The following CBL variants were observed in gnomAD, a reference collection of about 807,000 sequenced individuals.
CBL encodes the protein Cbl proto-oncogene, also known as E3 ubiquitin-protein ligase CBL.
A neutral mutation model predicts 96.9 loss-of-function variants in CBL; 45 were observed. That is an observed-to-expected ratio of 0.46 (90% confidence interval 0.37 to 0.60). CBL has a LOEUF of 0.60. CBL is among the 20% of genes least tolerant of loss of function. The pLI, the probability that CBL is intolerant of heterozygous loss-of-function variation, is 0.00. For synonymous variants in CBL, 420 were observed against 426.8 expected (o/e 0.98, Z 0.20); for missense variants, 1,024 against 1,143.5 (o/e 0.90, Z 1.51).
chr11:119,274,865 C>A lies in CBL; in HGVS notation c.781C>A (p.Leu261Ile). Residue 261 changes from leucine to isoleucine, a missense_variant, in exon 5 of 16, where the codon CTT becomes ATT. Transcript: ENST00000264033. The part of the protein sequence containing the change: ...WSSLLRNWNS[L>I]AVTHPGYMAF... ...CTCTTTGCTCAGGAATTGGAACAGC[C>A]TTGCTGTAACTCATCCTGGCTACAT... 1 of 1,613,716 alleles carries A rather than the reference C, an allele frequency of 6.2e-7. No homozygotes were observed. Among genetic ancestry groups the A allele is most frequent in the Non-Finnish European group, 8.5e-7 (1 of 1,179,720 alleles).
In CBL at chr11:119,211,297, G is replaced by A. The variant is rs369787110; in HGVS notation, c.195+4685G>A. Among the ~76,000 whole-genome samples the A allele has an allele frequency of 4.6e-5, 7 of 151,830 alleles. No individual in the cohort carries two copies. In the South Asian group the frequency reaches 1.0e-3, roughly 23 times the overall value. On this transcript the variant is annotated intron_variant, in intron 1 of 15. Transcript: ENST00000264033. The stretch of plus-strand genomic sequence containing the variant: ...TGAGGCAGGAGAATTGCTTGAACCC[G>A]GGAGGCGGAGGTTGCAGTGAGCTGA...
intron 1 of CBL, among the ~76,000 whole-genome samples, chr11:119,210,273 G>C (rs1000645909): frequency 4.6e-5 from 7 of 151,970 alleles, no homozygotes; most frequent in Non-Finnish European, 1.5e-5. Flanking sequence ...CTCTAAGCTC[G>C]AGCTGCTTGG....
At chr11:119,270,436 A>ATATATTTT (rs1565870008) in intron 2 of CBL, among the ~76,000 whole-genome samples, 10 of 38,660 alleles carry the variant, frequency 2.6e-4, no homozygotes, top group Non-Finnish European at 3.9e-4. Context: ...ATATATATAT[A>ATATATTTT]TTTTTTTTTT....
chr11:119,276,460 T>TA (rs1258017738), intron 6 of CBL, among the ~76,000 whole-genome samples: 2 of 152,360 alleles, frequency 1.3e-5, no homozygotes, highest in African/African-American at 4.8e-5. Flanking sequence ...GTTATTTAAC[T>TA]AGTCGGCATT....
intron 12 of CBL, among the ~76,000 whole-genome samples, chr11:119,294,419 C>T (rs12275373): frequency 0.28 from 41,407 of 149,566 alleles, 6,148 homozygotes; most frequent in South Asian, 0.59. Context: ...ACTGAGTCTC[C>T]GTCTCCAAAA....
intron 2 of CBL, among the ~76,000 whole-genome samples, chr11:119,264,674 C>A (rs1949787348): frequency 6.7e-6 from 1 of 149,604 alleles, no homozygotes; most frequent in Non-Finnish European, 1.5e-5. Flanking sequence ...TAGAGACGGA[C>A]TTTCACCATG....
chr11:119,260,506 G>T (rs1336030339), intron 2 of CBL, among the ~76,000 whole-genome samples: 1 of 152,062 alleles, frequency 6.6e-6, no homozygotes, highest in Non-Finnish European at 1.5e-5. Context: ...GTAAAATGGG[G>T]ATAATATTGG....
chr11:119,291,649 A>G (rs1950027377), intron 12 of CBL, among the ~76,000 whole-genome samples: 2 of 152,224 alleles, frequency 1.3e-5, no homozygotes, highest in South Asian at 4.1e-4. Flanking sequence ...TCGAGGCTGT[A>G]GTGCGCCATG....
chr11:119,219,873 G>A (rs1217515423), intron 1 of CBL, among the ~76,000 whole-genome samples: 10 of 144,156 alleles, frequency 6.9e-5, no homozygotes, highest in South Asian at 2.2e-4. Context: ...TTTTTGAGAC[G>A]GAGTCTTGCT....
chr11:119,288,681 G>T (rs536802900), intron 12 of CBL, among the ~76,000 whole-genome samples: 1 of 152,234 alleles, frequency 6.6e-6, no homozygotes, highest in East Asian at 1.9e-4. Flanking sequence ...AACGCACATG[G>T]TCGGGTCCCA....
intron 2 of CBL, among the ~76,000 whole-genome samples, chr11:119,248,478 C>T (rs1270263747): frequency 6.6e-6 from 1 of 151,748 alleles, no homozygotes; most frequent in Non-Finnish European, 1.5e-5. Context: ...GAAGGATGGG[C>T]CAAAAAAATG....
chr11:119,287,164 C>T (rs1159096951), intron 11 of CBL, among the ~76,000 whole-genome samples: 1 of 152,166 alleles, frequency 6.6e-6, no homozygotes, highest in African/African-American at 2.4e-5. Context: ...GCAGAGTGGG[C>T]AGCCAGATGA....
intron 1 of CBL, among the ~76,000 whole-genome samples, chr11:119,231,287 C>T (rs1949499990): frequency 6.6e-6 from 1 of 152,168 alleles, no homozygotes; most frequent in Non-Finnish European, 1.5e-5. Flanking sequence ...CCTGTAATCC[C>T]AGCTACTTGG....
Position 119,304,059 on chromosome 11 carries a change from C to T in CBL, c.*4278C>T. 1 of 233,624 alleles carries T rather than the reference C, an allele frequency of 4.3e-6. No homozygotes were observed. The highest frequency in any genetic ancestry group is 8.5e-6 in the Non-Finnish European group (1 of 118,054). The allele number at this position is 233,624 out of a possible 1,614,324, so 14.5% of individuals were successfully genotyped here. ...AGTCAGTTGTTGGGTCTTCCAAGAG[C>T]CAGACATTAATACAGATTGAACTCC... On this transcript the variant is annotated 3_prime_UTR_variant, in exon 16 of 16. Coordinates refer to ENST00000264033, the MANE Select transcript of CBL (RefSeq NM_005188.4).
At position 119,305,463 on chromosome 11, in the gene CBL, G is replaced by T. The variant is rs1263211840; in HGVS notation, c.*5682G>T. 1 of 230,856 alleles carries T rather than the reference G, an allele frequency of 4.3e-6. No homozygotes were observed. The highest frequency in any genetic ancestry group is 8.6e-6 in the Non-Finnish European group (1 of 116,644). The allele number at this position is 230,856 out of a possible 1,614,324, so 14.3% of individuals were successfully genotyped here. ...TCTTCAGGTTTGAGTGCTTGAAAAT[G>T]TTCATTCTCTGGGCTTGTGGCCTGT... On this transcript the variant is annotated 3_prime_UTR_variant, in exon 16 of 16. Transcript: ENST00000264033.
intron 1 of CBL, 102 bp from the exon 2 acceptor site, chr11:119,232,346 A>G: frequency 1.6e-6 from 2 of 1,267,812 alleles, no homozygotes; most frequent in South Asian, 1.2e-5. Flanking sequence ...TATTTTTCAT[A>G]TTTTGCAAAA....
chr11:119,264,442 T>TTTCTC (rs1555228884), intron 2 of CBL, among the ~76,000 whole-genome samples: 7 of 44,344 alleles, frequency 1.6e-4, no homozygotes, highest in Admixed American at 3.2e-4. Flanking sequence ...TCTTCTCTTC[T>TTTCTC]TTCTCTTCTC....
At chr11:119,236,243 G>A (rs564607637) in intron 2 of CBL, among the ~76,000 whole-genome samples, 1 of 152,100 alleles carries the variant, frequency 6.6e-6, no homozygotes, top group South Asian at 2.1e-4. Flanking sequence ...GATCTCCCCT[G>A]GCGCTTGGTA....
intron 2 of CBL, among the ~76,000 whole-genome samples, chr11:119,269,737 TG>T (rs1170299186): frequency 6.6e-6 from 1 of 152,126 alleles, no homozygotes; most frequent in Non-Finnish European, 1.5e-5. Context: ...GGCTCACGCT[TG>T]TAATCCCAGC....
Sources: allele counts gnomAD v4.1 joint callset (sites outside exome capture counted in the v4.1 genomes callset), GRCh38; gene constraint gnomAD v4.1.1; transcripts MANE v1.5; gene names NCBI Gene and HGNC (gene_info 2026-07-23, HGNC 2026-07-21).